The following ARHGEF1 variants were observed in gnomAD, a reference collection of about 807,000 sequenced individuals.
ARHGEF1 encodes 115 kDa guanine nucleotide exchange factor.
A neutral mutation model predicts 119.7 loss-of-function variants in ARHGEF1; 40 were observed. The ratio of observed to expected loss-of-function variants is 0.33; its 90% CI spans 0.26 to 0.44. The LOEUF is 0.44. ARHGEF1 is among the 20% of genes least tolerant of loss of function. The probability of loss-of-function intolerance (pLI) is 1.00; values close to 1 mark genes in which losing one functional copy is unlikely to be tolerated. For synonymous variants in ARHGEF1, 494 were observed against 521.0 expected, an observed-to-expected ratio of 0.95 and a Z score of 0.71; for missense variants, 976 against 1,268.3, an observed-to-expected ratio of 0.77 and a Z score of 3.50.
rs1200542255 is a variant in ARHGEF1, at chr19:41,893,893, G to T, written c.645-314G>T. Among the ~76,000 whole-genome samples the T allele has an allele frequency of 4.8e-5, 6 of 124,084 alleles. No homozygotes were observed. The East Asian group carries it at 1.4e-3, about 29-fold the overall frequency. The allele number at this position is 124,084 out of a possible 152,430, so 81.4% of individuals were successfully genotyped here. ...GACTCCTGGGTCTGAGGGAGGAGGG[G>T]GCTGGGGGCCTGGACTCCTGGGTCT... On this transcript the variant is annotated intron_variant, in intron 8 of 28. Transcript: ENST00000354532.
At position 41,917,635 on chromosome 19, in the gene ARHGEF1, C is replaced by G. The variant is rs2074809910; in HGVS notation, c.1866-5457C>G. On this transcript the variant is annotated intron_variant, in intron 18 of 20. Transcript: ENST00000599589. This position sits in a 1 kb window ranked among gnomAD's most constrained non-coding sequence, Gnocchi z 4.8. ...GCCGCCCCCGCATGCACACACCATGCCCCAAAGCACACGCACGCACGCACA... is the reference window on the plus strand; with the variant it reads ...GCCGCCCCCGCATGCACACACCATGGCCCAAAGCACACGCACGCACGCACA... Among the ~76,000 whole-genome samples the G allele has an allele frequency of 6.6e-6, 1 of 151,824 alleles. No homozygotes were observed. The highest frequency in any genetic ancestry group is 1.5e-5 in the Non-Finnish European group (1 of 67,886).
In ARHGEF1 at chr19:41,892,271, C is replaced by T; in HGVS notation, c.325-60C>T. ...TTAGACCAGGGTTCCTGGCAGTCCT[C>T]CCGGCCTGCATCTCAGCACACCAAG... On this transcript the variant is annotated intron_variant, in intron 5 of 28. Coordinates refer to ENST00000354532, the MANE Select transcript of ARHGEF1 (RefSeq NM_004706.4). The surrounding 1 kb of genome is among the most constrained non-coding windows in gnomAD (Gnocchi z 6.3). 1 of 1,604,204 alleles carries T rather than the reference C, an allele frequency of 6.2e-7. No homozygotes were observed. The highest frequency in any genetic ancestry group is 8.5e-7 in the Non-Finnish European group (1 of 1,172,926).
rs1168730164 is a variant in ARHGEF1, at chr19:41,904,309, C to T, written c.2087C>T (p.Pro696Leu). ...LLKSHSRTLT[P>L]TPDGKTMLRP... ...AAGTCCCATAGCCGGACACTGACGC[C>T]CACGCCCGATGGCAAGACCATGCTG... Residue 696 changes from proline to leucine, a missense_variant, in exon 22 of 29, where the codon CCC (proline) becomes CTC (leucine). Pro to Leu is a moderately conservative substitution (Grantham distance 98, BLOSUM62 -3). Around this residue, in one of 3 missense-constraint regions of ARHGEF1, gnomAD observed 286 missense variants for 506.8 expected, o/e 0.56. Transcript: ENST00000354532. This position sits in a 1 kb window ranked among gnomAD's most constrained non-coding sequence, Gnocchi z 8.4. 3 of 1,610,370 alleles carry T rather than the reference C, an allele frequency of 1.9e-6. No individual in the cohort carries two copies. The highest frequency in any genetic ancestry group is 2.7e-5 in the African/African-American group (2 of 74,914).
At chr19:41,909,228 A>G, downstream of ARHGEF1, 2 of 1,231,192 alleles carry the variant, frequency 1.6e-6, no homozygotes, top group Non-Finnish European at 2.0e-6. This position sits in a 1 kb window ranked among gnomAD's most constrained non-coding sequence, Gnocchi z 5.2. Context: ...CCCTCCCCAG[A>G]GTGGGCACCA....
chr19:41,920,600 G>A (rs1452628566), upstream of ARHGEF1, among the ~76,000 whole-genome samples: 12 of 152,216 alleles, frequency 7.9e-5, no homozygotes, highest in African/African-American at 2.7e-4. Context: ...GACAGGACAT[G>A]TGTGGCTCCA....
chr19:41,925,732 A>G (rs2074867547), intron 1 of ARHGEF1, among the ~76,000 whole-genome samples: 1 of 152,074 alleles, frequency 6.6e-6, no homozygotes. Context: ...AATCCTTGGA[A>G]GTCAGTGTAC....
intron 7 of ARHGEF1, 68 bp from the exon 8 acceptor site, chr19:41,893,206 T>A (rs1555846670): frequency 4.4e-6 from 7 of 1,598,306 alleles, no homozygotes; most frequent in Non-Finnish European, 5.1e-6. Context: ...AACCCTGAGA[T>A]GTATCCTGGG....
At chr19:41,907,502 CT>C, downstream of ARHGEF1, 2 of 1,206,740 alleles carry the variant, frequency 1.7e-6, no homozygotes, top group Non-Finnish European at 2.3e-6. Context: ...GTCTGGAACT[CT>C]CTGTGACTGT....
rs2074715094 is a variant in ARHGEF1, at chr19:41,907,115, A to AG, written c.*29dup. 6.6e-7 allele frequency: 1 copy of AG among 1,525,060 alleles called. No individual in the cohort carries two copies. The highest frequency in any genetic ancestry group is 8.8e-7 in the Non-Finnish European group (1 of 1,142,356). The allele number at this position is 1,525,060 out of a possible 1,614,324, so 94.5% of individuals were successfully genotyped here. On this transcript the variant is annotated 3_prime_UTR_variant, in exon 29 of 29. Coordinates refer to ENST00000354532, the MANE Select transcript of ARHGEF1 (RefSeq NM_004706.4). Reference sequence around the variant, plus strand: ...TCCTACATCCCCCAGGCCTTTTGCAAGAAGGAGAGGAATGGGGGAGAGGAC... The same window carrying AG: ...TCCTACATCCCCCAGGCCTTTTGCAAGGAAGGAGAGGAATGGGGGAGAGGAC...
rs1275541383 is a variant in ARHGEF1, at chr19:41,892,122, C to T, written c.323C>T (p.Ala108Val). Reference protein sequence around the residue: ...DFYHSFLEKTAVLRVPVPPNV... With the variant: ...DFYHSFLEKTVVLRVPVPPNV... ...TACCACAGCTTCCTGGAGAAGACAG[C>T]GGTGAGAGACCTTCAAGCTGCCCCA... Residue 108 changes from alanine (A) to valine (V), a missense_variant and splice_region_variant, in exon 5 of 29, where the codon GCG (alanine) becomes GTG (valine). Physicochemically the swap from Ala to Val is moderately conservative, Grantham distance 64. Coordinates refer to ENST00000354532, the MANE Select transcript of ARHGEF1 (RefSeq NM_004706.4). This position sits in a 1 kb window ranked among gnomAD's most constrained non-coding sequence, Gnocchi z 6.3. 17 of 1,611,302 alleles carry T rather than the reference C, an allele frequency of 1.1e-5. No individual in the cohort carries two copies. The highest frequency in any genetic ancestry group is 4.0e-5 in the African/African-American group (3 of 74,868).
chr19:41,906,702 G>C lies in ARHGEF1; in HGVS notation c.2656-1G>C. 6.2e-7 allele frequency: 1 copy of C among 1,607,090 alleles called. No homozygotes were observed. The highest frequency in any genetic ancestry group is 2.2e-5 in the East Asian group (1 of 44,564). ...CTCATCCATGACCCCCACCCCACCA[G>C]GAGTTGGAGGAGGAATTTTGCCGCC... On this transcript the variant is annotated splice_acceptor_variant, in intron 27 of 28. Coordinates refer to ENST00000354532, the MANE Select transcript of ARHGEF1 (RefSeq NM_004706.4). LOFTEE classifies it high-confidence loss of function. The surrounding 1 kb of genome is among the most constrained non-coding windows in gnomAD (Gnocchi z 4.5).
At chr19:41,912,923 G>T in intron 18 of ARHGEF1, 1 of 1,231,134 alleles carries the variant, frequency 8.1e-7, no homozygotes, top group Non-Finnish European at 1.0e-6. Flanking sequence ...AGTCCATGGC[G>T]GAGCCGGCCC....
Position 41,888,352 on chromosome 19 carries a change from A to T in ARHGEF1, c.111+74A>T. The stretch of plus-strand genomic sequence containing the variant: ...GCCCCAGGTCCCCTCCCACCTGCAG[A>T]TGCTGTCTTCTTGGCCTTTTCCCAC... On this transcript the variant is annotated intron_variant, in intron 3 of 28. Coordinates refer to ENST00000354532, the MANE Select transcript of ARHGEF1 (RefSeq NM_004706.4). This position sits in a 1 kb window ranked among gnomAD's most constrained non-coding sequence, Gnocchi z 5.1. 1 of 1,453,884 alleles carries T rather than the reference A, an allele frequency of 6.9e-7. No individual in the cohort carries two copies. Among genetic ancestry groups the T allele is most frequent in the Non-Finnish European group, 9.5e-7 (1 of 1,047,878 alleles). 90.1% of individuals were successfully genotyped at this position (1,453,884 alleles called of 1,614,324 possible).
intron 14 of ARHGEF1, among the ~76,000 whole-genome samples, chr19:41,901,609 A>AT (rs1837520991): frequency 6.6e-6 from 1 of 151,072 alleles, no homozygotes; most frequent in Admixed American, 6.6e-5. Flanking sequence ...GCCTGGGCTA[A>AT]TTTTTTTTCT....
At chr19:41,885,410 G>A (rs145823191) in intron 1 of ARHGEF1, among the ~76,000 whole-genome samples, 31 of 152,166 alleles carry the variant, frequency 2.0e-4, no homozygotes, top group African/African-American at 7.0e-4. Flanking sequence ...AGGGTAGGGT[G>A]GGGGCTCCCC....
At position 41,902,801 on chromosome 19, in the gene ARHGEF1, G is replaced by A. The variant is rs1276008377; in HGVS notation, c.1641G>A (p.Pro547=). 2.7e-5 allele frequency: 44 copies of A among 1,612,922 alleles called. No homozygotes were observed. Among genetic ancestry groups the A allele is most frequent in the Admixed American group, 1.7e-4 (10 of 59,960 alleles). Reference sequence around the variant, plus strand: ...TCCCGCAGGAAGCTGAGAGCCGCCCGCGGTGCCGCCGCCTGCAGCTGAAGG... The same window carrying A: ...TCCCGCAGGAAGCTGAGAGCCGCCCACGGTGCCGCCGCCTGCAGCTGAAGG... The part of the protein sequence containing the change: ...CAFVQEAESR[P]RCRRLQLKDM... Residue 547 remains proline (P), a synonymous_variant, in exon 18 of 29, where the codon CCG becomes CCA. Coordinates refer to ENST00000354532, the MANE Select transcript of ARHGEF1 (RefSeq NM_004706.4). This position sits in a 1 kb window ranked among gnomAD's most constrained non-coding sequence, Gnocchi z 6.5.
At chr19:41,894,743 GA>G in intron 11 of ARHGEF1, 82 bp downstream of exon 11, 1 of 1,427,858 alleles carries the variant, frequency 7.0e-7, no homozygotes, top group Non-Finnish European at 9.0e-7. Context: ...TCTGAGGGAG[GA>G]GGGGCTGGGA....
chr19:41,912,997 G>T, intron 18 of ARHGEF1: 2 of 715,422 alleles, frequency 2.8e-6, no homozygotes, highest in Non-Finnish European at 3.9e-6. Flanking sequence ...AGGTCAGCCA[G>T]CGGGGCGCTG....
chr19:41,903,221 C>T lies in ARHGEF1; in HGVS notation c.1739-86C>T, dbSNP rs985176177. 2 of 1,253,896 alleles carry T rather than the reference C, an allele frequency of 1.6e-6. No individual in the cohort carries two copies. The highest frequency in any genetic ancestry group is 2.3e-6 in the Non-Finnish European group (2 of 867,382). 77.7% of individuals were successfully genotyped at this position (1,253,896 alleles called of 1,614,324 possible). ...ACAGGCGTGAGCCACCATGCCCGGC[C>T]AGCTGTCCTTTGTCTAACCTTGGCT... is the stretch of plus-strand genomic sequence containing the variant. On this transcript the variant is annotated intron_variant, in intron 18 of 28. Coordinates refer to ENST00000354532, the MANE Select transcript of ARHGEF1 (RefSeq NM_004706.4). The surrounding 1 kb of genome is among the most constrained non-coding windows in gnomAD (Gnocchi z 4.2).
Sources: allele counts gnomAD v4.1 joint callset (sites outside exome capture counted in the v4.1 genomes callset), GRCh38; gene constraint gnomAD v4.1.1; regional missense constraint gnomAD v4.1.1; non-coding constraint Gnocchi (gnomAD v3.1); transcripts MANE v1.5; gene names NCBI Gene and HGNC (gene_info 2026-07-23, HGNC 2026-07-21).